The following DSC1 variants were observed in gnomAD, a reference collection of about 807,000 sequenced individuals.
DSC1 encodes desmocollin-1.
In DSC1, 79 loss-of-function variants were observed where a neutral mutation model predicts 98.8. The ratio of observed to expected loss-of-function variants is 0.80; its 90% CI spans 0.67 to 0.96. DSC1 has a LOEUF of 0.96. DSC1 is among the 50% of genes least tolerant of loss of function. The pLI is 0.00. For missense variants in DSC1, 1,115 were observed against 1,075.9 expected (o/e 1.04, Z -0.51); for synonymous variants, 405 against 372.1 (o/e 1.09, Z -1.02).
In DSC1 at chr18:31,157,422, C is replaced by T. The variant is rs746222947; in HGVS notation, c.300G>A (p.Gln100=). Residue 100 remains glutamine, a synonymous_variant, in exon 3 of 16, where the codon CAG becomes CAA. Transcript: ENST00000257198. ...KSFSIFLSDG[Q]RREQQEIKVV... ...CTTTTATCTCTTGTTGTTCCCGTCT[C>T]TGACCATCTGAAAGGAAAATGGAAA... 5.0e-6 allele frequency: 8 copies of T among 1,614,168 alleles called. No individual in the cohort carries two copies. Among genetic ancestry groups the T allele is most frequent in the Non-Finnish European group, 6.8e-6 (8 of 1,180,032 alleles).
intron 11 of DSC1, among the ~76,000 whole-genome samples, chr18:31,135,816 A>G (rs1300078136): frequency 2.0e-5 from 3 of 152,172 alleles, no homozygotes; most frequent in African/African-American, 7.2e-5. Context: ...AAATAAACAG[A>G]AAGGTAATTG....
intron 8 of DSC1, among the ~76,000 whole-genome samples, chr18:31,143,411 T>C (rs1358843652): frequency 6.6e-6 from 1 of 151,428 alleles, no homozygotes; most frequent in Non-Finnish European, 1.5e-5. Flanking sequence ...GTTTAACACA[T>C]GAGCTACGTC....
intron 11 of DSC1, among the ~76,000 whole-genome samples, chr18:31,138,259 T>G (rs1469110341): frequency 1.3e-5 from 2 of 152,154 alleles, no homozygotes; most frequent in Non-Finnish European, 2.9e-5. Context: ...CCTCTCCAGA[T>G]AGCATTTTAT....
At chr18:31,138,838 A>G (rs1258902098) in intron 11 of DSC1, among the ~76,000 whole-genome samples, 1 of 151,940 alleles carries the variant, frequency 6.6e-6, no homozygotes, top group Non-Finnish European at 1.5e-5. Context: ...ACCTTCTTGG[A>G]TTAGGCAGGT....
Position 31,157,401 on chromosome 18 carries a change from T to C in DSC1, c.321A>G (p.Ile107Met). The C allele has an allele frequency of 6.2e-7, 1 of 1,614,238 alleles. No individual in the cohort carries two copies. The change falls in exon 3 of 16, where the codon ATA becomes ATG. Residue 107 changes from isoleucine (I) to methionine (M), a missense_variant. Ile to Met is a conservative substitution (Grantham distance 10). Transcript: ENST00000257198. ...SDGQRREQQEIKVVLSARENK... is the reference protein window; with the variant it reads ...SDGQRREQQEMKVVLSARENK... ...TTTCTCTTGCTGACAGTACAACTTT[T>C]ATCTCTTGTTGTTCCCGTCTCTGAC... is the stretch of plus-strand genomic sequence containing the variant.
At position 31,132,618 on chromosome 18, in the gene DSC1, G is replaced by T; in HGVS notation, c.2188C>A (p.Gln730Lys). The T allele has an allele frequency of 6.2e-7, 1 of 1,613,456 alleles. No individual in the cohort carries two copies. The highest frequency in any genetic ancestry group is 1.1e-5 in the South Asian group (1 of 91,044). Residue 730 changes from glutamine (Q) to lysine (K), a missense_variant, in exon 14 of 16, where the codon CAG becomes AAG. By Grantham distance (53) the Gln-to-Lys change is moderately conservative. Coordinates refer to ENST00000257198, the MANE Select transcript of DSC1 (RefSeq NM_024421.2). Reference protein sequence around the residue: ...VKKCFPEDIAQQNLIVSNTEG... With the variant: ...VKKCFPEDIAKQNLIVSNTEG... Reference sequence around the variant, plus strand: ...GTATTTGATACAATTAAATTTTGCTGGGCTATGTCTTCTGGAAAACATTTC... The same window carrying T: ...GTATTTGATACAATTAAATTTTGCTTGGCTATGTCTTCTGGAAAACATTTC...
chr18:31,133,164 T>C (rs181726899), intron 13 of DSC1, among the ~76,000 whole-genome samples: 2 of 152,186 alleles, frequency 1.3e-5, no homozygotes, highest in East Asian at 3.9e-4. Flanking sequence ...TGAATTAGGA[T>C]ACAGTAAAGA....
chr18:31,135,529 T>A (rs1567996796), intron 11 of DSC1, among the ~76,000 whole-genome samples: 2 of 152,144 alleles, frequency 1.3e-5, no homozygotes, highest in African/African-American at 4.8e-5. Flanking sequence ...ATAATGCAGT[T>A]CCTATTTTTA....
chr18:31,154,286 A>AAC (rs1989052825), intron 5 of DSC1, among the ~76,000 whole-genome samples: 1 of 151,934 alleles, frequency 6.6e-6, no homozygotes, highest in Non-Finnish European at 1.5e-5. Context: ...CAAAAAAAAA[A>AAC]AAGCTATGTA....
At chr18:31,145,902 T>G (rs1049858135) in intron 6 of DSC1, 125 bp from the exon 7 acceptor site, 24 of 1,032,036 alleles carry the variant, frequency 2.3e-5, no homozygotes, top group Non-Finnish European at 3.4e-5. Context: ...GTTCTACTGT[T>G]AAGTTGACGA....
rs775232512 is a variant in DSC1 at position 31,130,518 on chromosome 18, T to G, written c.2681A>C (p.Lys894Thr). 1 of 1,614,082 alleles carries G rather than the reference T, an allele frequency of 6.2e-7. No homozygotes were observed. The highest frequency in any genetic ancestry group is 1.1e-5 in the South Asian group (1 of 91,076). ...FRTLAKTCIK[K>T] ...TTACACTATTAAAAGGCACATTTATTTCTTGATGCATGTCTTTGCTAATGT... is the reference window on the plus strand; with the variant it reads ...TTACACTATTAAAAGGCACATTTATGTCTTGATGCATGTCTTTGCTAATGT... Residue 894 changes from lysine (K) to threonine (T), a missense_variant, in exon 16 of 16, where the codon AAA (lysine) becomes ACA (threonine). Coordinates refer to ENST00000257198, the MANE Select transcript of DSC1 (RefSeq NM_024421.2).
At chr18:31,155,031 C>T in intron 4 of DSC1, 102 bp from the exon 5 acceptor site, 1 of 1,300,944 alleles carries the variant, frequency 7.7e-7, no homozygotes, top group Non-Finnish European at 1.1e-6. Context: ...CTCTTTCCTA[C>T]TCTCCTATTC....
At chr18:31,150,337 TACC>T (rs1598625686) in intron 5 of DSC1, among the ~76,000 whole-genome samples, 11 of 5,746 alleles carry the variant, frequency 1.9e-3, no homozygotes, top group African/African-American at 4.0e-3. Flanking sequence ...CCACCACCAC[TACC>T]ATCACCACCA....
chr18:31,149,795 A>C (rs550557393), intron 5 of DSC1, among the ~76,000 whole-genome samples: 2 of 152,154 alleles, frequency 1.3e-5, no homozygotes, highest in African/African-American at 4.8e-5. Context: ...AAGAATGTAC[A>C]CTCCAAACTC....
chr18:31,135,162 G>T (rs1289547440), intron 11 of DSC1, among the ~76,000 whole-genome samples: 1 of 152,100 alleles, frequency 6.6e-6, no homozygotes, highest in Non-Finnish European at 1.5e-5. Flanking sequence ...CTTCTCCATT[G>T]CATCATATAC....
intron 6 of DSC1, among the ~76,000 whole-genome samples, chr18:31,147,458 G>A (rs1279067728): frequency 6.6e-6 from 1 of 152,068 alleles, no homozygotes; most frequent in Non-Finnish European, 1.5e-5. Flanking sequence ...CTATATGTGG[G>A]TAGCAAGATG....
Position 31,142,199 on chromosome 18 carries a change from C to T in DSC1, c.1075-15G>A. On this transcript the variant is annotated splice_polypyrimidine_tract_variant and intron_variant, in intron 8 of 15. Transcript: ENST00000257198. ...TCTGTAACATACTGAAAGAATTGCC[C>T]CTTATTATTATCAATTTACAACTTT... 1.3e-6 allele frequency: 2 copies of T among 1,592,288 alleles called. No individual in the cohort carries two copies. The highest frequency in any genetic ancestry group is 1.7e-6 in the Non-Finnish European group (2 of 1,174,806).
At chr18:31,135,021 A>T (rs557840591) in intron 11 of DSC1, among the ~76,000 whole-genome samples, 2 of 152,214 alleles carry the variant, frequency 1.3e-5, no homozygotes, top group South Asian at 4.2e-4. Context: ...AAGGTATGAG[A>T]TTATGAGGAA....
intron 1 of DSC1, among the ~76,000 whole-genome samples, chr18:31,160,216 A>C (rs147017085): frequency 6.6e-6 from 1 of 152,334 alleles, no homozygotes; most frequent in East Asian, 1.9e-4. Flanking sequence ...CATAGACACT[A>C]TCTGAAAAAA....
Sources: gnomAD v4.1 joint callset for allele counts (sites outside exome capture counted in the v4.1 genomes callset) on GRCh38, gnomAD v4.1.1 for gene constraint, MANE v1.5 for transcripts, NCBI Gene and HGNC (gene_info 2026-07-23, HGNC 2026-07-21) for gene names.